Variants in STK39 observed in about 807,000 individuals in gnomAD.
The protein encoded by STK39 is STE20/SPS1-related proline-alanine-rich protein kinase.
In STK39, 20 loss-of-function variants were observed where a neutral mutation model predicts 77.8. The observed-to-expected ratio is 0.26, with a 90% CI of 0.18 to 0.37. The LOEUF (loss-of-function observed/expected upper bound fraction) is 0.37. STK39 is among the 10% of genes least tolerant of loss of function. STK39 has a pLI of 1.00. For synonymous variants in STK39, 246 were observed against 234.1 expected (o/e 1.05, Z -0.47); for missense variants, 479 against 656.5 (o/e 0.73, Z 2.95).
intron 10 of STK39, among the ~76,000 whole-genome samples, chr2:168,086,909 T>C (rs1471338147): frequency 6.6e-6 from 1 of 152,186 alleles, no homozygotes; most frequent in Non-Finnish European, 1.5e-5. Context: ...ACCTCCAATA[T>C]GGCATTTCCC....
chr2:168,182,303 T>C (rs961592974), intron 1 of STK39, among the ~76,000 whole-genome samples: 1 of 152,164 alleles, frequency 6.6e-6, no homozygotes, highest in African/African-American at 2.4e-5. Flanking sequence ...ACAATGTATG[T>C]CTGAGGACAC....
At chr2:168,117,658 G>C (rs1425575150) in intron 10 of STK39, among the ~76,000 whole-genome samples, 1 of 152,178 alleles carries the variant, frequency 6.6e-6, no homozygotes, top group Non-Finnish European at 1.5e-5. Flanking sequence ...CAAGTGTAGG[G>C]AGAGGCCTTC....
chr2:167,969,537 C>T (rs1214898966), intron 16 of STK39, among the ~76,000 whole-genome samples: 2 of 152,192 alleles, frequency 1.3e-5, no homozygotes, highest in African/African-American at 4.8e-5. Flanking sequence ...CTCTTATCAT[C>T]GTGTACTGAA....
At chr2:168,068,169 T>C (rs1685844187) in intron 12 of STK39, among the ~76,000 whole-genome samples, 2 of 152,132 alleles carry the variant, frequency 1.3e-5, no homozygotes, top group African/African-American at 4.8e-5. Flanking sequence ...GAAGCTACAA[T>C]TCAAGATGAG....
intron 1 of STK39, among the ~76,000 whole-genome samples, chr2:168,211,881 G>A (rs1689899708): frequency 1.3e-5 from 2 of 152,190 alleles, no homozygotes; most frequent in Admixed American, 1.3e-4. Context: ...TATTAACTAA[G>A]TCTATACCAT....
chr2:168,175,276 G>T (rs11886040), intron 2 of STK39, among the ~76,000 whole-genome samples: 14,087 of 152,138 alleles, frequency 0.093, 1,240 homozygotes, highest in East Asian at 0.31. Flanking sequence ...TAAAAAGTGA[G>T]ATGTAACTAA....
chr2:168,089,556 A>G (rs1484216452), intron 10 of STK39, among the ~76,000 whole-genome samples: 6 of 152,336 alleles, frequency 3.9e-5, no homozygotes, highest in Middle Eastern at 3.4e-3. Flanking sequence ...AAGAATGTCA[A>G]CTTATTTTCA....
intron 1 of STK39, among the ~76,000 whole-genome samples, chr2:168,210,043 A>AAGG (rs1269795284): frequency 2.1e-5 from 3 of 143,730 alleles, no homozygotes; most frequent in Admixed American, 6.8e-5. Flanking sequence ...GGAAGGAAGG[A>AAGG]AGGAAGGAAG....
At chr2:168,111,611 A>G (rs1447185422) in intron 10 of STK39, among the ~76,000 whole-genome samples, 1 of 152,172 alleles carries the variant, frequency 6.6e-6, no homozygotes, top group East Asian at 1.9e-4. Context: ...TGATAAAATG[A>G]CCCAACTTAT....
chr2:168,091,404 A>G (rs935019159), intron 10 of STK39, among the ~76,000 whole-genome samples: 3 of 152,222 alleles, frequency 2.0e-5, no homozygotes, highest in African/African-American at 7.2e-5. Context: ...ATAAGGAGAC[A>G]AGGAATCCCC....
rs1201584649 is a variant in STK39 at position 167,954,554 on chromosome 2, T to C, written c.*942A>G. On this transcript the variant is annotated 3_prime_UTR_variant, in exon 18 of 18. Transcript: ENST00000355999. Reference sequence around the variant, plus strand: ...GAGAGCCAAATCAGAGATGGGTATATAGTTAGCAATCTAACAGAATGGCAA... The same window carrying C: ...GAGAGCCAAATCAGAGATGGGTATACAGTTAGCAATCTAACAGAATGGCAA... 2 of 152,650 alleles carry C rather than the reference T, an allele frequency of 1.3e-5. No individual in the cohort carries two copies. Among genetic ancestry groups the C allele is most frequent in the Non-Finnish European group, 2.9e-5 (2 of 68,040 alleles). The allele number at this position is 152,650 out of a possible 1,614,324, so 9.5% of individuals were successfully genotyped here.
chr2:168,141,750 T>G (rs1687990498), intron 5 of STK39, among the ~76,000 whole-genome samples: 1 of 152,176 alleles, frequency 6.6e-6, no homozygotes, highest in African/African-American at 2.4e-5. Context: ...TGCAAATCGC[T>G]CTCATACGCT....
intron 10 of STK39, among the ~76,000 whole-genome samples, chr2:168,119,776 C>T (rs1687357091): frequency 6.6e-6 from 1 of 152,222 alleles, no homozygotes; most frequent in Admixed American, 6.5e-5. Flanking sequence ...CTCTTCTCTG[C>T]TTTAATGATA....
At chr2:168,046,036 G>A (rs371529222) in intron 14 of STK39, among the ~76,000 whole-genome samples, 1 of 152,062 alleles carries the variant, frequency 6.6e-6, no homozygotes, top group East Asian at 1.9e-4. Context: ...CAGACATATC[G>A]ATCAACCCTA....
intron 10 of STK39, among the ~76,000 whole-genome samples, chr2:168,116,855 A>C (rs1166243238): frequency 6.6e-6 from 1 of 152,240 alleles, no homozygotes; most frequent in African/African-American, 2.4e-5. Flanking sequence ...AAAAAGTTTA[A>C]ATTATTTCTC....
At chr2:168,075,043 A>G in intron 11 of STK39, 32 bp from the exon 12 acceptor site, 1 of 1,613,996 alleles carries the variant, frequency 6.2e-7, no homozygotes. Flanking sequence ...ATTAATATAT[A>G]TACACACACA....
At chr2:168,021,057 T>C (rs1484825718) in intron 14 of STK39, among the ~76,000 whole-genome samples, 1 of 152,130 alleles carries the variant, frequency 6.6e-6, no homozygotes, top group African/African-American at 2.4e-5. Flanking sequence ...TGTTTAATAA[T>C]AAAATGACAG....
intron 16 of STK39, among the ~76,000 whole-genome samples, chr2:167,985,207 C>A (rs942049960): frequency 3.3e-5 from 5 of 152,152 alleles, no homozygotes; most frequent in African/African-American, 1.2e-4. Context: ...TCAGGGAATT[C>A]ATTTTTCTTC....
chr2:168,017,282 T>A (rs1684436507), intron 14 of STK39, among the ~76,000 whole-genome samples, 187 bp from the exon 15 acceptor site: 1 of 152,152 alleles, frequency 6.6e-6, no homozygotes, highest in Non-Finnish European at 1.5e-5. Context: ...TTTCTTTAAT[T>A]TGATTGAATT....
Sources: allele counts gnomAD v4.1 joint callset (sites outside exome capture counted in the v4.1 genomes callset), GRCh38; gene constraint gnomAD v4.1.1; transcripts MANE v1.5; gene names NCBI Gene and HGNC (gene_info 2026-07-23, HGNC 2026-07-21).